Variants in C19orf47 observed in about 807,000 individuals in gnomAD.
The protein encoded by C19orf47 is chromosome 19 open reading frame 47.
C19orf47 carries 18 observed loss-of-function variants against 32.3 expected under a neutral mutation model. That is an observed-to-expected ratio of 0.56 (90% CI 0.39 to 0.83). C19orf47 has a LOEUF of 0.83. Among genes scored for constraint, C19orf47 ranks in the 40% least tolerant of loss-of-function variants. The pLI is 0.00. For missense variants in C19orf47, 484 were observed against 531.6 expected (o/e 0.91, Z 0.88); for synonymous variants, 202 against 211.1 (o/e 0.96, Z 0.37).
the C19orf47 span, among the ~76,000 whole-genome samples, chr19:40,308,401 C>T: frequency 3.3e-5 from 5 of 151,572 alleles, no homozygotes; most frequent in Non-Finnish European, 7.4e-5. Flanking sequence ...GTGATCTGCC[C>T]GCCTCAGCCT....
At chr19:40,314,031 A>G in the C19orf47 span, among the ~76,000 whole-genome samples, 1 of 152,216 alleles carries the variant, frequency 6.6e-6, no homozygotes, top group South Asian at 2.1e-4. Context: ...TGCAATTAAA[A>G]GGACCAGGCT....
chr19:40,335,642 C>T (rs1008276512), intron 4 of C19orf47, among the ~76,000 whole-genome samples: 1 of 150,778 alleles, frequency 6.6e-6, no homozygotes, highest in East Asian at 1.9e-4. Flanking sequence ...GAGAGTCTCG[C>T]TCTGTCGCCC....
chr19:40,315,257 AC>A (rs2077654118), downstream of C19orf47, among the ~76,000 whole-genome samples: 1 of 152,178 alleles, frequency 6.6e-6, no homozygotes, highest in Non-Finnish European at 1.5e-5. Flanking sequence ...CAAACGTACC[AC>A]CCCAATGTCA....
At chr19:40,337,737 G>T (rs2078094015) in intron 2 of C19orf47, among the ~76,000 whole-genome samples, 1 of 152,122 alleles carries the variant, frequency 6.6e-6, no homozygotes, top group South Asian at 2.1e-4. Flanking sequence ...AACTCCATGG[G>T]CCACATCTCC....
the C19orf47 span, among the ~76,000 whole-genome samples, chr19:40,306,144 T>A: frequency 8.8e-6 from 1 of 113,462 alleles, no homozygotes; most frequent in African/African-American, 3.7e-5. Flanking sequence ...AGAGCAAAAC[T>A]CTGTCTCAAA....
At chr19:40,328,268 T>G (rs2077874429) in intron 6 of C19orf47, 145 bp downstream of exon 6, 1 of 1,281,786 alleles carries the variant, frequency 7.8e-7, no homozygotes, top group African/African-American at 1.5e-5. Context: ...CTTGACCAAG[T>G]TTACAGAGGT....
At position 40,326,448 on chromosome 19, in the gene C19orf47, G is replaced by C; in HGVS notation, c.478C>G (p.Pro160Ala). 4 of 1,614,052 alleles carry C rather than the reference G, an allele frequency of 2.5e-6. No homozygotes were observed. The highest frequency in any genetic ancestry group is 3.4e-6 in the Non-Finnish European group (4 of 1,180,032). Residue 160 changes from proline (P) to alanine (A), a missense_variant, in exon 7 of 9, where the codon CCT becomes GCT. Pro to Ala is a conservative substitution (Grantham distance 27, BLOSUM62 -1). Coordinates refer to ENST00000683109, the MANE Select transcript of C19orf47 (RefSeq NM_001256441.2). ...GCAGTGACCCGGCGCCGCTTGGCAG[G>C]AACAGCCAGGCTCTCCTCCTCCCGG... ...ARREEESLAV[P>A]AKRRRVTAEM...
chr19:40,295,263 G>A, the C19orf47 span, among the ~76,000 whole-genome samples: 23 of 151,978 alleles, frequency 1.5e-4, no homozygotes, highest in African/African-American at 4.8e-4. Context: ...CTCGTGATCC[G>A]CCTGCCTCAG....
Position 40,324,070 on chromosome 19 carries a change from T to G in C19orf47, c.599A>C (p.His200Pro). 1 of 1,614,186 alleles carries G rather than the reference T, an allele frequency of 6.2e-7. No individual in the cohort carries two copies. The highest frequency in any genetic ancestry group is 8.5e-7 in the Non-Finnish European group (1 of 1,180,016). The change falls in exon 8 of 9, where the codon CAT becomes CCT. Residue 200 changes from histidine to proline, a missense_variant. His to Pro is a moderately conservative substitution (Grantham distance 77). Transcript: ENST00000683109. ...GAGGCGGTCAAACACAGACGTCCTA[T>G]GGAGACCTGGGAGGGAAGTGAAGCC... Reference protein sequence around the residue: ...LEQQQAAKGLHRTSVFDRLGA... With the variant: ...LEQQQAAKGLPRTSVFDRLGA...
the C19orf47 span, among the ~76,000 whole-genome samples, chr19:40,314,415 G>A: frequency 1.2e-4 from 18 of 152,148 alleles, no homozygotes; most frequent in East Asian, 3.5e-3. Flanking sequence ...CAACAAGAAC[G>A]AAACTCCGTC....
intron 2 of C19orf47, chr19:40,339,308 C>G (rs528344035): frequency 2.9e-4 from 44 of 152,392 alleles, no homozygotes; most frequent in African/African-American, 1.0e-3. Flanking sequence ...AAGGCACTGG[C>G]TGTAAGATAT....
intron 7 of C19orf47, chr19:40,324,497 T>G: frequency 6.0e-6 from 1 of 166,798 alleles, no homozygotes; most frequent in African/African-American, 2.4e-5. Flanking sequence ...CTGGAAATAA[T>G]AAACAACCAT....
downstream of C19orf47, among the ~76,000 whole-genome samples, chr19:40,317,981 A>C (rs1306323005): frequency 6.6e-6 from 1 of 152,086 alleles, no homozygotes; most frequent in Admixed American, 6.6e-5. Flanking sequence ...CAGCCTCCCA[A>C]AGTGCTGGGA....
the C19orf47 span, among the ~76,000 whole-genome samples, chr19:40,308,152 T>TTATC: frequency 1.3e-5 from 2 of 151,576 alleles, no homozygotes; most frequent in East Asian, 1.9e-4. Context: ...AAAGGCAACT[T>TTATC]TATTTATTTA....
chr19:40,303,355 C>T, the C19orf47 span, among the ~76,000 whole-genome samples: 1 of 150,450 alleles, frequency 6.6e-6, no homozygotes, highest in Non-Finnish European at 1.5e-5. Flanking sequence ...AACCCCATCT[C>T]TACTAAAAAT....
At chr19:40,338,266 T>TATACACACAC (rs1555788267) in intron 2 of C19orf47, among the ~76,000 whole-genome samples, 1 of 143,546 alleles carries the variant, frequency 7.0e-6, no homozygotes, top group Non-Finnish European at 1.5e-5. Context: ...TACATATATA[T>TATACACACAC]ACACACACAC....
chr19:40,324,270 T>C (rs2077783119), intron 7 of C19orf47, 194 bp from the exon 8 acceptor site: 1 of 607,664 alleles, frequency 1.6e-6, no homozygotes, highest in South Asian at 1.9e-5. Flanking sequence ...TAGAGCCAAA[T>C]GTGGGAAAGA....
intron 1 of C19orf47, chr19:40,343,589 C>G (rs2078218680): frequency 6.6e-6 from 1 of 152,146 alleles, no homozygotes; most frequent in African/African-American, 2.4e-5. Flanking sequence ...TCCTCCAGGC[C>G]TCCTTCCCCA....
chr19:40,302,008 A>G, the C19orf47 span, among the ~76,000 whole-genome samples: 10 of 151,390 alleles, frequency 6.6e-5, no homozygotes, highest in Middle Eastern at 3.2e-3. Flanking sequence ...AAAAATACAA[A>G]ACATTAGCCG....
Sources: gnomAD v4.1 joint callset for allele counts (sites outside exome capture counted in the v4.1 genomes callset) on GRCh38, gnomAD v4.1.1 for gene constraint, MANE v1.5 for transcripts, NCBI Gene and HGNC (gene_info 2026-07-23, HGNC 2026-07-21) for gene names.